The following DPP6 variants were observed in gnomAD, a reference collection of about 807,000 sequenced individuals.
DPP6 encodes the protein dipeptidyl peptidase like 6.
In DPP6, 69 loss-of-function variants were observed where a neutral mutation model predicts 122.6. The ratio of observed to expected loss-of-function variants is 0.56; its 90% CI spans 0.46 to 0.69. The LOEUF (loss-of-function observed/expected upper bound fraction) is 0.69. DPP6 is among the 30% of genes least tolerant of loss of function. DPP6 has a pLI of 0.00. For synonymous variants in DPP6, 418 were observed against 433.1 expected (o/e 0.97, Z 0.43); for missense variants, 928 against 1,116.9 (o/e 0.83, Z 2.41).
chr7:153,919,333 C>T (rs1417365961), intron 1 of DPP6, among the ~76,000 whole-genome samples: 3 of 152,290 alleles, frequency 2.0e-5, no homozygotes, highest in Non-Finnish European at 4.4e-5. Context: ...GGCACCAGTG[C>T]ATTCATCGTC....
At chr7:154,797,909 G>A (rs940696235) in intron 12 of DPP6, among the ~76,000 whole-genome samples, 7 of 152,222 alleles carry the variant, frequency 4.6e-5, no homozygotes, top group African/African-American at 1.7e-4. Flanking sequence ...TGCAGGCTAC[G>A]AGGGTGATCC....
At chr7:153,913,521 A>G (rs764081680) in intron 1 of DPP6, among the ~76,000 whole-genome samples, 3 of 152,012 alleles carry the variant, frequency 2.0e-5, no homozygotes, top group Non-Finnish European at 4.4e-5. Context: ...CTTAATTTCT[A>G]CCTCCCTGGG....
chr7:154,787,312 A>G (rs1797392655), intron 10 of DPP6, among the ~76,000 whole-genome samples: 1 of 152,176 alleles, frequency 6.6e-6, no homozygotes, highest in South Asian at 2.1e-4. Context: ...TTCTTCATTT[A>G]TTTGGGTTTT....
chr7:154,627,399 C>T (rs11973862), intron 5 of DPP6, among the ~76,000 whole-genome samples: 2,249 of 151,718 alleles, frequency 0.015, 56 homozygotes, highest in African/African-American at 0.052. Flanking sequence ...GGGGTTTCAC[C>T]ATGTTGGCCA....
At chr7:154,387,490 G>A (rs1456720307) in intron 1 of DPP6, among the ~76,000 whole-genome samples, 1 of 152,194 alleles carries the variant, frequency 6.6e-6, no homozygotes, top group Admixed American at 6.5e-5. Flanking sequence ...AAGAGCAGGA[G>A]CCCAGCAGGT....
chr7:154,574,884 G>A (rs1276102915), intron 5 of DPP6, among the ~76,000 whole-genome samples: 3 of 147,260 alleles, frequency 2.0e-5, no homozygotes, highest in Non-Finnish European at 4.5e-5. Context: ...TTGTGTGTGT[G>A]TGGTGTGTGT....
chr7:153,928,653 A>G (rs1179978539), intron 1 of DPP6, among the ~76,000 whole-genome samples: 1 of 151,848 alleles, frequency 6.6e-6, no homozygotes, highest in African/African-American at 2.4e-5. Flanking sequence ...CCATTATGAC[A>G]TCTCCACCTC....
intron 1 of DPP6, among the ~76,000 whole-genome samples, chr7:154,314,931 T>A (rs1202617068): frequency 6.6e-6 from 1 of 152,216 alleles, no homozygotes; most frequent in African/African-American, 2.4e-5. Flanking sequence ...GTCCTCCAGG[T>A]AAATCAAACC....
the DPP6 span, among the ~76,000 whole-genome samples, chr7:153,865,912 T>C: frequency 6.6e-6 from 1 of 151,492 alleles, no homozygotes; most frequent in African/African-American, 2.4e-5. Flanking sequence ...GTTTAGTTTT[T>C]TGTCCTTGCG....
At chr7:154,836,768 G>A (rs776755174) in intron 16 of DPP6, among the ~76,000 whole-genome samples, 69 of 152,218 alleles carry the variant, frequency 4.5e-4, no homozygotes, top group African/African-American at 1.7e-3. Flanking sequence ...GTGCAATGGC[G>A]TGACCTAAGC....
chr7:154,689,121 T>A (rs1839795499), intron 7 of DPP6, among the ~76,000 whole-genome samples: 1 of 152,202 alleles, frequency 6.6e-6, no homozygotes. Flanking sequence ...CCACCCACAC[T>A]ATGTTGAGCA....
At chr7:153,879,652 G>T in the DPP6 span, among the ~76,000 whole-genome samples, 1 of 152,148 alleles carries the variant, frequency 6.6e-6, no homozygotes, top group Non-Finnish European at 1.5e-5. Context: ...GGCCCTCAAA[G>T]TGCTGGGATT....
intron 1 of DPP6, among the ~76,000 whole-genome samples, chr7:154,438,189 T>C (rs1262372607): frequency 2.0e-5 from 3 of 151,992 alleles, no homozygotes; most frequent in East Asian, 1.9e-4. Context: ...TCCTAAAGGC[T>C]GGGCACTGTG....
At chr7:154,270,242 T>C (rs535858698) in intron 1 of DPP6, among the ~76,000 whole-genome samples, 2 of 152,268 alleles carry the variant, frequency 1.3e-5, no homozygotes, top group East Asian at 3.9e-4. Flanking sequence ...TACCACCCGG[T>C]TTTGCAGCAT....
intron 1 of DPP6, among the ~76,000 whole-genome samples, chr7:154,334,699 C>G (rs140933922): frequency 0.013 from 1,905 of 152,326 alleles, 31 homozygotes; most frequent in African/African-American, 0.042. Flanking sequence ...AGTTCGAGAT[C>G]AGTCTGGCTA....
In DPP6 at chr7:154,241,220, T is replaced by TGTAC. The variant is rs1491575064; in HGVS notation, c.243+188157_243+188158insGTAC. On this transcript the variant is annotated intron_variant, in intron 1 of 25. Transcript: ENST00000377770. The surrounding 1 kb of genome is among the most constrained non-coding windows in gnomAD (Gnocchi z 9.0). Reference sequence around the variant, plus strand: ...GTGTGTGTGTGTGTGTGTGTGTGTGTATATATATATAGAGAGAGAGAGAGA... The same window carrying TGTAC: ...GTGTGTGTGTGTGTGTGTGTGTGTGTGTACATATATATATAGAGAGAGAGAGAGA... 1.4e-5 allele frequency among the ~76,000 whole-genome samples: 2 copies of TGTAC among 138,210 alleles called. No homozygotes were observed. The highest frequency in any genetic ancestry group is 6.3e-5 in the African/African-American group (2 of 31,858). The allele number at this position is 138,210 out of a possible 152,430, so 90.7% of individuals were successfully genotyped here. A position where few individuals can be genotyped will look rare whatever the true frequency, so the allele number is the denominator to read the frequency against.
intron 5 of DPP6, chr7:154,587,305 T>A (rs1280520782): frequency 9.3e-6 from 3 of 321,416 alleles, no homozygotes; most frequent in Non-Finnish European, 1.2e-5. Flanking sequence ...TTGAGCTAAA[T>A]TGGGTGATCT....
intron 1 of DPP6, among the ~76,000 whole-genome samples, chr7:154,435,291 G>T (rs1818769399): frequency 6.6e-6 from 1 of 152,000 alleles, no homozygotes; most frequent in South Asian, 2.1e-4. Flanking sequence ...GGAATGGGAG[G>T]GGGTACTGAG....
chr7:154,354,707 A>G (rs1811134662), intron 1 of DPP6, among the ~76,000 whole-genome samples: 1 of 152,196 alleles, frequency 6.6e-6, no homozygotes, highest in Non-Finnish European at 1.5e-5. Context: ...GTCGCCTCAC[A>G]TGTAGTACTG....
Sources: gnomAD v4.1 joint callset for allele counts (sites outside exome capture counted in the v4.1 genomes callset) on GRCh38, gnomAD v4.1.1 for gene constraint, Gnocchi (gnomAD v3.1) non-coding constraint, MANE v1.5 for transcripts, NCBI Gene and HGNC (gene_info 2026-07-23, HGNC 2026-07-21) for gene names.